The following ATPAF2 variants were observed in gnomAD, a reference collection of about 807,000 sequenced individuals.
ATPAF2 encodes the protein ATP12 homolog.
Under a neutral mutation model 36.6 loss-of-function variants are expected in ATPAF2, and 30 were observed. That is an observed-to-expected ratio of 0.82 (90% CI 0.61 to 1.11). The LOEUF is 1.11. Among genes scored for constraint, ATPAF2 ranks in the 50% most tolerant of loss-of-function variants. The pLI is 0.00. For synonymous variants in ATPAF2, 140 were observed against 152.6 expected (o/e 0.92, Z 0.61); for missense variants, 321 against 372.3 (o/e 0.86, Z 1.13).
At chr17:18,029,270 T>G (rs776140198) in intron 1 of ATPAF2, among the ~76,000 whole-genome samples, 14 of 152,222 alleles carry the variant, frequency 9.2e-5, no homozygotes, top group Non-Finnish European at 1.9e-4. Context: ...CTTTTGAAAA[T>G]AACTTGAATA....
At chr17:18,027,672 A>C (rs1597671920) in intron 3 of ATPAF2, among the ~76,000 whole-genome samples, 1 of 152,210 alleles carries the variant, frequency 6.6e-6, no homozygotes, top group African/African-American at 2.4e-5. Flanking sequence ...CTTGGTGCCT[A>C]GGCGAGCCAC....
rs147296865 is a variant in ATPAF2 at position 18,027,093 on chromosome 17, C to T, written c.325-677G>A. Among the ~76,000 whole-genome samples, 119 of 151,928 alleles carry T rather than the reference C, an allele frequency of 7.8e-4. 2 individuals are homozygous for T. In the East Asian group the frequency reaches 0.021, roughly 27 times the overall value. ...AAAATTAGCCTGGCATGGTGGTGGACGTCTGTAATCCCAGCTGCTTGGGAG... is the reference window on the plus strand; with the variant it reads ...AAAATTAGCCTGGCATGGTGGTGGATGTCTGTAATCCCAGCTGCTTGGGAG... On this transcript the variant is annotated intron_variant, in intron 3 of 7. Transcript: ENST00000474627.
chr17:18,036,890 G>A (rs1014064649), intron 1 of ATPAF2, among the ~76,000 whole-genome samples: 1 of 151,722 alleles, frequency 6.6e-6, no homozygotes, highest in Non-Finnish European at 1.5e-5. Flanking sequence ...TGGCCAACAT[G>A]GTGAAACCCC....
At chr17:18,018,945 G>T (rs910546272) in intron 7 of ATPAF2, among the ~76,000 whole-genome samples, 1 of 152,140 alleles carries the variant, frequency 6.6e-6, no homozygotes, top group Non-Finnish European at 1.5e-5. Flanking sequence ...AGACCAGCCT[G>T]GGCAAATATG....
Position 18,039,038 on chromosome 17 carries a change from C to A in ATPAF2, c.-25G>T, listed in dbSNP as rs113115236. The A allele has an allele frequency of 5.1e-6, 8 of 1,576,400 alleles. No homozygotes were observed. The South Asian group carries it at 5.7e-5, about 11-fold the overall frequency. On this transcript the variant is annotated 5_prime_UTR_variant, in exon 1 of 8. Coordinates refer to ENST00000474627, the MANE Select transcript of ATPAF2 (RefSeq NM_145691.4). The surrounding 1 kb of genome is among the most constrained non-coding windows in gnomAD (Gnocchi z 5.3). ...TCGCGCCCGAGGGTCTGGGAAGATG[C>A]GAGACGCGAAACCTGGAGCAGGAAA...
intron 1 of ATPAF2, among the ~76,000 whole-genome samples, chr17:18,032,125 A>G (rs1412583576): frequency 6.6e-6 from 1 of 152,228 alleles, no homozygotes; most frequent in Non-Finnish European, 1.5e-5. Context: ...CTGACTCAAC[A>G]CTGGGGAAAG....
At chr17:18,030,105 G>A (rs2044606031) in intron 1 of ATPAF2, among the ~76,000 whole-genome samples, 1 of 151,376 alleles carries the variant, frequency 6.6e-6, no homozygotes, top group Non-Finnish European at 1.5e-5. Context: ...TGGATCACCT[G>A]AGGTCAGGAG....
intron 5 of ATPAF2, among the ~76,000 whole-genome samples, chr17:18,022,285 G>A (rs919541507): frequency 4.6e-5 from 7 of 152,126 alleles, no homozygotes; most frequent in African/African-American, 1.7e-4. Context: ...TATCATGGAG[G>A]TTTTCTTTTT....
At chr17:18,017,307 T>C (rs1222902374), downstream of ATPAF2, among the ~76,000 whole-genome samples, 2 of 151,768 alleles carry the variant, frequency 1.3e-5, no homozygotes, top group Admixed American at 1.3e-4. Context: ...GCTAGATTCT[T>C]GGCTGTGGCA....
At chr17:18,037,265 T>C (rs1326271237) in intron 1 of ATPAF2, among the ~76,000 whole-genome samples, 1 of 151,904 alleles carries the variant, frequency 6.6e-6, no homozygotes, top group African/African-American at 2.4e-5. Context: ...AGCTCCCTGC[T>C]GCATCCAGCC....
At chr17:18,038,462 C>T (rs539803249) in intron 1 of ATPAF2, among the ~76,000 whole-genome samples, 1 of 152,272 alleles carries the variant, frequency 6.6e-6, no homozygotes, top group African/African-American at 2.4e-5. Flanking sequence ...GTTCTAGGTC[C>T]CTTCTGGGCA....
downstream of ATPAF2, chr17:18,016,274 A>G: frequency 7.0e-7 from 1 of 1,436,574 alleles, no homozygotes; most frequent in South Asian, 1.2e-5. Flanking sequence ...GGTAGTGGAT[A>G]GAATTTTCAT....
intron 4 of ATPAF2, among the ~76,000 whole-genome samples, chr17:18,025,796 G>C (rs1195648657): frequency 6.6e-6 from 1 of 152,210 alleles, no homozygotes; most frequent in Non-Finnish European, 1.5e-5. Flanking sequence ...GTCATCGTGA[G>C]ATGACTCAGG....
chr17:18,025,338 G>A (rs2044528274), intron 4 of ATPAF2: 1 of 163,468 alleles, frequency 6.1e-6, no homozygotes, highest in Non-Finnish European at 1.3e-5. Flanking sequence ...GTTTGACCAA[G>A]AGACACAGAC....
At chr17:18,016,828 A>C (rs1394838830), downstream of ATPAF2, 1 of 507,984 alleles carries the variant, frequency 2.0e-6, no homozygotes, top group African/African-American at 1.9e-5. Flanking sequence ...AAAAACTTCC[A>C]AAAGTAGAGA....
In ATPAF2 at chr17:18,019,185, A is replaced by ACACACACACACACACACACACC. The variant is rs1313379853; in HGVS notation, c.733-500_733-499insGGTGTGTGTGTGTGTGTGTGTG. 2.1e-5 allele frequency among the ~76,000 whole-genome samples: 3 copies of ACACACACACACACACACACACC among 146,238 alleles called. No individual in the cohort carries two copies. In the East Asian group the frequency reaches 6.0e-4, roughly 29 times the overall value. ...CACACACACACACACACACACACAC[A>ACACACACACACACACACACACC]CCCCACCACCCCACCCCCAGGGAGC... On this transcript the variant is annotated intron_variant, in intron 7 of 7. Transcript: ENST00000474627.
intron 1 of ATPAF2, among the ~76,000 whole-genome samples, chr17:18,030,277 C>T (rs868296059): frequency 9.0e-4 from 125 of 138,752 alleles, no homozygotes; most frequent in Admixed American, 3.8e-3. Context: ...GCTGAGATCA[C>T]GCCACTGCAC....
At chr17:18,026,773 G>A (rs947623669) in intron 3 of ATPAF2, 2 of 363,634 alleles carry the variant, frequency 5.5e-6, no homozygotes, top group South Asian at 5.6e-5. Context: ...TCTGGGATGT[G>A]AAAACTGAGG....
Position 18,018,299 on chromosome 17 carries a change from G to A in ATPAF2, c.*250C>T, listed in dbSNP as rs141638018. On this transcript the variant is annotated 3_prime_UTR_variant, in exon 8 of 8. Transcript: ENST00000474627. ...AGAAATATTTAATAAAATCAGAGTC[G>A]AGAGAAAGTCACTTGCACAATTCAT... The A allele has an allele frequency of 6.5e-4, 364 of 564,068 alleles. 2 individuals carry two copies. The East Asian group carries it at 8.7e-3, about 13-fold the overall frequency. 34.9% of individuals were successfully genotyped at this position (564,068 alleles called of 1,614,324 possible). A position where few individuals can be genotyped will look rare whatever the true frequency, so the allele number is the denominator to read the frequency against.
Sources: gnomAD v4.1 joint callset for allele counts (sites outside exome capture counted in the v4.1 genomes callset) on GRCh38, gnomAD v4.1.1 for gene constraint, Gnocchi (gnomAD v3.1) non-coding constraint, MANE v1.5 for transcripts, NCBI Gene and HGNC (gene_info 2026-07-23, HGNC 2026-07-21) for gene names.